The following NCOA3 variants were observed in gnomAD, a reference collection of about 807,000 sequenced individuals.
NCOA3 encodes the protein CBP-interacting protein.
A neutral mutation model predicts 158.8 loss-of-function variants in NCOA3; 51 were observed. That is an observed-to-expected ratio of 0.32 (90% CI 0.26 to 0.41). The LOEUF is 0.41. Ranked by LOEUF, NCOA3 falls within the 10% of genes least tolerant of loss-of-function variation. The pLI, the probability that NCOA3 is intolerant of heterozygous loss-of-function variation, is 1.00. For missense variants in NCOA3, 1,510 were observed against 1,746.6 expected, an observed-to-expected ratio of 0.86 and a Z score of 2.41; for synonymous variants, 537 against 592.4, an observed-to-expected ratio of 0.91 and a Z score of 1.36.
chr20:47,524,383 A>AAGAG (rs2084393726), intron 1 of NCOA3, among the ~76,000 whole-genome samples: 1 of 152,328 alleles, frequency 6.6e-6, no homozygotes, highest in Non-Finnish European at 1.5e-5. Flanking sequence ...GGGTAGCTGG[A>AAGAG]AGAGAGCCTT....
chr20:47,640,496 A>C (rs2086586195), intron 16 of NCOA3, among the ~76,000 whole-genome samples: 1 of 152,188 alleles, frequency 6.6e-6, no homozygotes, highest in East Asian at 1.9e-4. Context: ...AAATTCTTTT[A>C]AGGATTGGCT....
chr20:47,524,935 T>G (rs1203637400), intron 1 of NCOA3, among the ~76,000 whole-genome samples: 1 of 152,000 alleles, frequency 6.6e-6, no homozygotes, highest in Non-Finnish European at 1.5e-5. Context: ...TTTATTTATT[T>G]TTTTCTTTTT....
intron 1 of NCOA3, among the ~76,000 whole-genome samples, chr20:47,570,062 G>A (rs1030572188): frequency 7.9e-5 from 12 of 152,102 alleles, no homozygotes; most frequent in Non-Finnish European, 1.5e-5. Flanking sequence ...CTATGTTTAT[G>A]TGATATTCTA....
intron 12 of NCOA3, 122 bp downstream of exon 12, chr20:47,636,884 C>T (rs1176912447): frequency 1.1e-6 from 1 of 891,150 alleles, no homozygotes; most frequent in Non-Finnish European, 1.6e-6. Flanking sequence ...GCTCTCATTT[C>T]TTTATAATTA....
intron 1 of NCOA3, among the ~76,000 whole-genome samples, chr20:47,551,223 C>T (rs796815016): frequency 4.6e-5 from 7 of 152,204 alleles, no homozygotes; most frequent in African/African-American, 1.7e-4. Context: ...GTGACTACTT[C>T]GTAACTAAAT....
intron 1 of NCOA3, among the ~76,000 whole-genome samples, chr20:47,566,858 C>A (rs2085202673): frequency 6.6e-6 from 1 of 151,792 alleles, no homozygotes; most frequent in South Asian, 2.1e-4. Flanking sequence ...GTGGCGTGTA[C>A]CTGTAGTCCT....
chr20:47,653,439 T>TA lies in NCOA3; in HGVS notation c.*24dup. The TA allele has an allele frequency of 6.2e-7, 1 of 1,609,198 alleles. No individual in the cohort carries two copies. Among genetic ancestry groups the TA allele is most frequent in the Middle Eastern group, 1.7e-4 (1 of 6,048 alleles). On this transcript the variant is annotated 3_prime_UTR_variant, in exon 23 of 23. Coordinates refer to ENST00000371998, the MANE Select transcript of NCOA3 (RefSeq NM_181659.3). ...CTGACATCTCTGCACCAGGACCTCT[T>TA]AAGGAAACCACTGTACAAATGACAC...
intron 1 of NCOA3, among the ~76,000 whole-genome samples, chr20:47,527,175 C>CT (rs893647178): frequency 4.0e-5 from 6 of 151,774 alleles, no homozygotes; most frequent in Middle Eastern, 3.2e-3. Flanking sequence ...GTCAGCATAC[C>CT]TTTTTTTTCT....
At chr20:47,589,910 G>A (rs955379006) in intron 2 of NCOA3, among the ~76,000 whole-genome samples, 1 of 139,088 alleles carries the variant, frequency 7.2e-6, no homozygotes, top group African/African-American at 2.5e-5. Flanking sequence ...TTGACTTCTT[G>A]TATAATGTAA....
intron 8 of NCOA3, chr20:47,630,122 C>T (rs1218292887): frequency 6.6e-6 from 1 of 152,152 alleles, no homozygotes; most frequent in Non-Finnish European, 1.5e-5. Flanking sequence ...GGGCTAAACT[C>T]AGGAGAGGTG....
intron 2 of NCOA3, among the ~76,000 whole-genome samples, chr20:47,594,220 C>A (rs1226835932): frequency 6.6e-6 from 1 of 152,090 alleles, no homozygotes; most frequent in African/African-American, 2.4e-5. Flanking sequence ...TCATAATGAC[C>A]AGTTCACTTG....
chr20:47,517,334 T>A (rs920119238), intron 1 of NCOA3, among the ~76,000 whole-genome samples: 1 of 152,250 alleles, frequency 6.6e-6, no homozygotes, highest in Non-Finnish European at 1.5e-5. Flanking sequence ...CTATTCCATC[T>A]TCTTCAAGTA....
chr20:47,641,125 A>G (rs982177783), intron 16 of NCOA3, among the ~76,000 whole-genome samples: 4 of 150,278 alleles, frequency 2.7e-5, no homozygotes, highest in Admixed American at 6.6e-5. Context: ...TAGAGAGCAA[A>G]TAGTTTCAAG....
intron 2 of NCOA3, among the ~76,000 whole-genome samples, chr20:47,621,394 G>A (rs943071189): frequency 2.6e-5 from 4 of 151,766 alleles, no homozygotes; most frequent in East Asian, 1.9e-4. Context: ...TCCAGCATAC[G>A]TCTCAGAGTT....
intron 1 of NCOA3, among the ~76,000 whole-genome samples, chr20:47,552,625 C>T (rs2084941465): frequency 6.6e-6 from 1 of 152,116 alleles, no homozygotes; most frequent in African/African-American, 2.4e-5. Context: ...TGTTAATTTT[C>T]CTTGTCCTTA....
At chr20:47,633,216 T>A (rs988579048) in intron 8 of NCOA3, among the ~76,000 whole-genome samples, 4 of 152,174 alleles carry the variant, frequency 2.6e-5, no homozygotes, top group Admixed American at 6.5e-5. Flanking sequence ...ATACTTTTAT[T>A]ACTCAGGAAA....
chr20:47,545,484 T>C (rs752402098), intron 1 of NCOA3, among the ~76,000 whole-genome samples: 4 of 152,076 alleles, frequency 2.6e-5, no homozygotes, highest in Non-Finnish European at 5.9e-5. Context: ...GCCTTTGTAA[T>C]CTTATTGGTG....
At chr20:47,580,330 C>G (rs571430260) in intron 1 of NCOA3, among the ~76,000 whole-genome samples, 2 of 151,876 alleles carry the variant, frequency 1.3e-5, no homozygotes, top group South Asian at 2.1e-4. Flanking sequence ...TTTGGGAGGC[C>G]GAGGTGGGCA....
At chr20:47,546,782 T>C (rs533324975) in intron 1 of NCOA3, among the ~76,000 whole-genome samples, 55 of 152,196 alleles carry the variant, frequency 3.6e-4, no homozygotes, top group Admixed American at 1.6e-3. Flanking sequence ...CTTCCCGCCC[T>C]GGCCTCCCAA....
Sources: gnomAD v4.1 joint callset for allele counts (sites outside exome capture counted in the v4.1 genomes callset) on GRCh38, gnomAD v4.1.1 for gene constraint, MANE v1.5 for transcripts, NCBI Gene and HGNC (gene_info 2026-07-23, HGNC 2026-07-21) for gene names.